Variants in CNTNAP5 observed in about 807,000 individuals in gnomAD.
CNTNAP5 encodes the protein contactin-associated protein-like 5.
Under a neutral mutation model 150.2 loss-of-function variants are expected in CNTNAP5, and 72 were observed. The observed-to-expected ratio is 0.48, with a 90% CI of 0.40 to 0.58. The LOEUF (loss-of-function observed/expected upper bound fraction) is 0.58. Among genes scored for constraint, CNTNAP5 ranks in the 20% least tolerant of loss-of-function variants. CNTNAP5 has a pLI of 0.00. For synonymous variants in CNTNAP5, 672 were observed against 619.8 expected, an observed-to-expected ratio of 1.08 and a Z score of -1.25; for missense variants, 1,636 against 1,626.2, an observed-to-expected ratio of 1.01 and a Z score of -0.10.
intron 1 of CNTNAP5, among the ~76,000 whole-genome samples, chr2:124,188,156 A>G (rs1685375040): frequency 6.6e-6 from 1 of 152,208 alleles, no homozygotes; most frequent in Non-Finnish European, 1.5e-5. Context: ...CCTTCCTGGC[A>G]GCCTTTCTTT....
intron 19 of CNTNAP5, among the ~76,000 whole-genome samples, chr2:124,818,625 T>G (rs1682419327): frequency 6.6e-6 from 1 of 152,086 alleles, no homozygotes; most frequent in Non-Finnish European, 1.5e-5. Flanking sequence ...GCTGACCACC[T>G]CACCCCTGCA....
intron 1 of CNTNAP5, among the ~76,000 whole-genome samples, chr2:124,027,406 A>G (rs1280414606): frequency 1.3e-5 from 2 of 152,358 alleles, no homozygotes; most frequent in African/African-American, 4.8e-5. Flanking sequence ...AGAAGAGTGA[A>G]TACTTTGAAA....
intron 1 of CNTNAP5, among the ~76,000 whole-genome samples, chr2:124,162,878 C>T (rs541952940): frequency 2.6e-5 from 4 of 152,224 alleles, no homozygotes; most frequent in East Asian, 1.9e-4. Flanking sequence ...CTCCTCTCTG[C>T]ACCTCCTCAT....
intron 8 of CNTNAP5, among the ~76,000 whole-genome samples, chr2:124,510,119 A>G (rs1694522973): frequency 6.6e-6 from 1 of 151,644 alleles, no homozygotes; most frequent in Non-Finnish European, 1.5e-5. Flanking sequence ...GAGGCAGGAG[A>G]ATCACTTGAA....
At chr2:124,310,485 A>G (rs1159124393) in intron 3 of CNTNAP5, among the ~76,000 whole-genome samples, 1 of 152,182 alleles carries the variant, frequency 6.6e-6, no homozygotes, top group Non-Finnish European at 1.5e-5. Flanking sequence ...TTCCCATTAC[A>G]GTTTAATTTC....
At chr2:124,832,175 G>T (rs1424850944) in intron 19 of CNTNAP5, among the ~76,000 whole-genome samples, 2 of 152,036 alleles carry the variant, frequency 1.3e-5, no homozygotes, top group East Asian at 3.9e-4. Context: ...AATGTATGCT[G>T]ATGATTCTGA....
At chr2:124,435,363 G>A (rs893123065) in intron 5 of CNTNAP5, among the ~76,000 whole-genome samples, 12 of 152,100 alleles carry the variant, frequency 7.9e-5, no homozygotes, top group African/African-American at 2.9e-4. Flanking sequence ...TTATCCCAGA[G>A]AAGGAGGAGA....
intron 6 of CNTNAP5, among the ~76,000 whole-genome samples, chr2:124,453,469 A>G (rs914237344): frequency 6.6e-6 from 1 of 152,228 alleles, no homozygotes; most frequent in African/African-American, 2.4e-5. Context: ...TGGGGGAATA[A>G]TCAAGGAAAA....
intron 1 of CNTNAP5, among the ~76,000 whole-genome samples, chr2:124,179,391 C>G (rs1685155356): frequency 6.6e-6 from 1 of 152,098 alleles, no homozygotes; most frequent in South Asian, 2.1e-4. Flanking sequence ...AACTCCTGAC[C>G]TTAGGTGATC....
chr2:124,253,012 G>A (rs1045776513), intron 3 of CNTNAP5, among the ~76,000 whole-genome samples: 37 of 151,318 alleles, frequency 2.4e-4, no homozygotes, highest in Admixed American at 1.6e-3. Context: ...ATATATAATA[G>A]TACATAAAAT....
At position 124,310,047 on chromosome 2, in the gene CNTNAP5, A is replaced by G. The variant is rs150876064; in HGVS notation, c.381+67654A>G. ...GCAATTTTCATCTTCACGAGGCCTG[A>G]ATCTCTTACCTTTTTTTTTTTTTTA... On this transcript the variant is annotated intron_variant, in intron 3 of 23. Transcript: ENST00000682447. Among the ~76,000 whole-genome samples, 497 of 147,234 alleles carry G rather than the reference A, an allele frequency of 3.4e-3. 5 individuals carry two copies. The highest frequency in any genetic ancestry group is 0.012 in the African/African-American group (474 of 39,660).
chr2:124,645,501 A>G (rs1678185010), intron 12 of CNTNAP5, among the ~76,000 whole-genome samples: 1 of 152,110 alleles, frequency 6.6e-6, no homozygotes, highest in Non-Finnish European at 1.5e-5. Context: ...CCAGGTGGCC[A>G]AGGCTGCAGT....
intron 3 of CNTNAP5, among the ~76,000 whole-genome samples, chr2:124,265,738 C>G (rs971719039): frequency 6.6e-6 from 1 of 151,920 alleles, no homozygotes; most frequent in African/African-American, 2.4e-5. Flanking sequence ...GACCGAGGGC[C>G]GGCCTGGGAG....
At position 124,918,108 on chromosome 2, in the gene CNTNAP5, T is replaced by G. The variant is rs1678805257; in HGVS notation, c.*3820T>G. On this transcript the variant is annotated 3_prime_UTR_variant, in exon 24 of 24. Coordinates refer to ENST00000682447, the MANE Select transcript of CNTNAP5 (RefSeq NM_001367498.1). ...TGAGGAGGCTGAATTCTCTACATTC[T>G]TGTTTCGGGTCAGGTTGGGGGATTC... 6.6e-6 allele frequency among the ~76,000 whole-genome samples: 1 copy of G among 152,076 alleles called. No individual in the cohort carries two copies. The highest frequency in any genetic ancestry group is 2.4e-5 in the African/African-American group (1 of 41,432).
chr2:124,224,080 G>C (rs1686397852), intron 2 of CNTNAP5, among the ~76,000 whole-genome samples: 1 of 151,930 alleles, frequency 6.6e-6, no homozygotes, highest in South Asian at 2.1e-4. Context: ...CATTGCCTGA[G>C]CCCATTTTTC....
intron 19 of CNTNAP5, among the ~76,000 whole-genome samples, chr2:124,811,097 C>T (rs974348125): frequency 6.8e-6 from 1 of 146,000 alleles, no homozygotes; most frequent in Non-Finnish European, 1.5e-5. Flanking sequence ...ACAATAAGGA[C>T]TTTGAAAACC....
intron 1 of CNTNAP5, among the ~76,000 whole-genome samples, chr2:124,177,647 T>G (rs190049471): frequency 6.6e-6 from 1 of 152,150 alleles, no homozygotes; most frequent in Non-Finnish European, 1.5e-5. Flanking sequence ...TTTTAGATAT[T>G]TTTAATCAAT....
intron 7 of CNTNAP5, among the ~76,000 whole-genome samples, chr2:124,488,695 G>A (rs1693948178): frequency 6.6e-6 from 1 of 152,188 alleles, no homozygotes; most frequent in Admixed American, 6.5e-5. Flanking sequence ...CAAATTGGAG[G>A]TGCATAGTAA....
At chr2:124,528,229 C>A (rs1695021924) in intron 10 of CNTNAP5, among the ~76,000 whole-genome samples, 1 of 152,138 alleles carries the variant, frequency 6.6e-6, no homozygotes, top group African/African-American at 2.4e-5. Flanking sequence ...GATAAAGGGT[C>A]TCTGCTTATG....
Sources: gnomAD v4.1 joint callset for allele counts (sites outside exome capture counted in the v4.1 genomes callset) on GRCh38, gnomAD v4.1.1 for gene constraint, MANE v1.5 for transcripts, NCBI Gene and HGNC (gene_info 2026-07-23, HGNC 2026-07-21) for gene names.